Variants in TBC1D32 observed in about 807,000 individuals in gnomAD.
TBC1D32 encodes the protein TBC1 domain family member 32.
In TBC1D32, 151 loss-of-function variants were observed where a neutral mutation model predicts 170.3. The ratio of observed to expected loss-of-function variants is 0.89; its 90% CI spans 0.78 to 1.01. The LOEUF (loss-of-function observed/expected upper bound fraction) is 1.01, where lower values mean the gene tolerates loss of function less well. Among genes scored for constraint, TBC1D32 ranks in the 50% least tolerant of loss-of-function variants. TBC1D32 has a pLI of 0.00. For missense variants in TBC1D32, 1,464 were observed against 1,457.1 expected, an observed-to-expected ratio of 1.00 and a Z score of -0.08; for synonymous variants, 498 against 488.0, an observed-to-expected ratio of 1.02 and a Z score of -0.27.
intron 26 of TBC1D32, among the ~76,000 whole-genome samples, chr6:121,119,269 T>C (rs1360347700): frequency 6.6e-6 from 1 of 152,154 alleles, no homozygotes; most frequent in African/African-American, 2.4e-5. Flanking sequence ...TTTGTTTAAT[T>C]CCTAATTTTA....
chr6:121,180,304 G>T (rs1449136801), intron 22 of TBC1D32, among the ~76,000 whole-genome samples: 2 of 152,080 alleles, frequency 1.3e-5, no homozygotes, highest in Non-Finnish European at 2.9e-5. Flanking sequence ...AAAGCAAGAA[G>T]AATTGCTCTA....
chr6:121,175,401 G>A (rs1287552854), intron 22 of TBC1D32, among the ~76,000 whole-genome samples: 1 of 152,134 alleles, frequency 6.6e-6, no homozygotes, highest in East Asian at 1.9e-4. Context: ...AATAACAAAT[G>A]ACGTAAGACT....
intron 21 of TBC1D32, among the ~76,000 whole-genome samples, chr6:121,216,332 C>T (rs1793818097): frequency 6.6e-6 from 1 of 152,182 alleles, no homozygotes; most frequent in Admixed American, 6.5e-5. Flanking sequence ...AGCTTGAAGG[C>T]AGCCTATTGT....
At chr6:121,316,933 A>T (rs1809014195) in intron 3 of TBC1D32, among the ~76,000 whole-genome samples, 1 of 152,138 alleles carries the variant, frequency 6.6e-6, no homozygotes, top group Admixed American at 6.5e-5. Context: ...TAGTCTAGCT[A>T]GTTTTCCTTG....
intron 15 of TBC1D32, among the ~76,000 whole-genome samples, chr6:121,258,942 T>A (rs1476175109): frequency 1.3e-5 from 2 of 151,734 alleles, no homozygotes; most frequent in African/African-American, 2.4e-5. Flanking sequence ...ATGCCTTATC[T>A]GTTTAACTTC....
At chr6:121,283,469 T>A (rs541221000) in intron 13 of TBC1D32, among the ~76,000 whole-genome samples, 2 of 151,696 alleles carry the variant, frequency 1.3e-5, no homozygotes, top group East Asian at 3.9e-4. Context: ...TTAGAAAGTA[T>A]AAAGAATGGA....
At chr6:121,271,577 A>T (rs1242458596) in intron 15 of TBC1D32, among the ~76,000 whole-genome samples, 1 of 152,186 alleles carries the variant, frequency 6.6e-6, no homozygotes, top group Non-Finnish European at 1.5e-5. Context: ...GATCTCTTCA[A>T]GGAGAACTAC....
chr6:121,256,242 G>A lies in TBC1D32; in HGVS notation c.1777C>T (p.Leu593Phe). ...HIIAQFSKKL[L>F]DEDISIFSGS... ...GAAAATATAGAAATATCTTCATCGAGAAGTTTTTTCGAAAACTGGGCAATT... is the reference window on the plus strand; with the variant it reads ...GAAAATATAGAAATATCTTCATCGAAAAGTTTTTTCGAAAACTGGGCAATT... The change falls in exon 16 of 32, where the codon CTC (leucine) becomes TTC (phenylalanine). Residue 593 changes from leucine (L) to phenylalanine (F), a missense_variant. Coordinates refer to ENST00000398212, the MANE Select transcript of TBC1D32 (RefSeq NM_152730.6). 3.1e-6 allele frequency: 5 copies of A among 1,613,618 alleles called. No individual in the cohort carries two copies. The highest frequency in any genetic ancestry group is 4.2e-6 in the Non-Finnish European group (5 of 1,179,884).
chr6:121,279,360 A>T (rs1220662867), intron 14 of TBC1D32, 115 bp from the exon 15 acceptor site: 5 of 1,207,614 alleles, frequency 4.1e-6, no homozygotes, highest in Non-Finnish European at 5.7e-6. Flanking sequence ...ACAACAAAAA[A>T]CAAGCTTAAT....
intron 29 of TBC1D32, 29 bp downstream of exon 29, chr6:121,112,476 C>A: frequency 1.3e-6 from 2 of 1,559,998 alleles, no homozygotes; most frequent in Non-Finnish European, 8.7e-7. Context: ...AATTTCAAAC[C>A]CTCCTTTAAA....
intron 22 of TBC1D32, among the ~76,000 whole-genome samples, chr6:121,192,053 A>ATATATATATATATATATATATATATAT (rs1158179800): frequency 3.4e-5 from 2 of 59,662 alleles, no homozygotes; most frequent in East Asian, 7.7e-4. Flanking sequence ...GTTAATACTT[A>ATATATATATATATATATATATATATAT]ATAAACTACC....
chr6:121,130,057 A>G (rs184264100), intron 25 of TBC1D32: 35 of 340,304 alleles, frequency 1.0e-4, no homozygotes, highest in Non-Finnish European at 1.8e-4. Context: ...CTTATATAAG[A>G]AGACTTTTTA....
At chr6:121,083,488 A>G (rs1476522945) in intron 31 of TBC1D32, among the ~76,000 whole-genome samples, 4 of 152,030 alleles carry the variant, frequency 2.6e-5, no homozygotes, top group African/African-American at 7.2e-5. Context: ...CTAAACCACA[A>G]TGTTGGATGT....
At chr6:121,242,878 A>C (rs1172251312) in intron 17 of TBC1D32, among the ~76,000 whole-genome samples, 2 of 152,254 alleles carry the variant, frequency 1.3e-5, no homozygotes, top group East Asian at 3.9e-4. Context: ...ATTCTAGATA[A>C]CTATAAGACT....
chr6:121,217,997 A>G (rs562317677), intron 21 of TBC1D32, among the ~76,000 whole-genome samples: 11 of 152,178 alleles, frequency 7.2e-5, no homozygotes, highest in Non-Finnish European at 1.5e-4. Context: ...AGGAGAAAAC[A>G]TTACATTCAG....
At position 121,299,445 on chromosome 6, in the gene TBC1D32, C is replaced by A; in HGVS notation, c.1140+1G>T. ...ACATAAAAACAGAATTACAGACTTA[C>A]CAGAGACTTATATTTCGTTTCAAGA... On this transcript the variant is annotated splice_donor_variant, in intron 10 of 31. Coordinates refer to ENST00000398212, the MANE Select transcript of TBC1D32 (RefSeq NM_152730.6). LOFTEE classifies it high-confidence loss of function. 6.7e-7 allele frequency: 1 copy of A among 1,500,474 alleles called. No homozygotes were observed. 92.9% of individuals were successfully genotyped at this position (1,500,474 alleles called of 1,614,324 possible).
intron 24 of TBC1D32, among the ~76,000 whole-genome samples, chr6:121,154,166 T>A (rs1168904572): frequency 6.6e-6 from 1 of 151,728 alleles, no homozygotes; most frequent in African/African-American, 2.4e-5. Context: ...GCGAAGATGG[T>A]GGGAAAAGCG....
intron 24 of TBC1D32, 148 bp downstream of exon 24, chr6:121,159,862 G>A (rs769363178): frequency 1.4e-4 from 77 of 534,778 alleles, no homozygotes; most frequent in Non-Finnish European, 2.2e-4. Flanking sequence ...TAAGAAACAT[G>A]AGGAAAAAAA....
chr6:121,108,803 C>G (rs1465512071), intron 29 of TBC1D32, among the ~76,000 whole-genome samples: 1 of 152,002 alleles, frequency 6.6e-6, no homozygotes. Flanking sequence ...AGATTTGAAA[C>G]TCTCCAATTC....
Sources: gnomAD v4.1 joint callset for allele counts (sites outside exome capture counted in the v4.1 genomes callset) on GRCh38, gnomAD v4.1.1 for gene constraint, MANE v1.5 for transcripts, NCBI Gene and HGNC (gene_info 2026-07-23, HGNC 2026-07-21) for gene names.